The following PRDM10 variants were observed in gnomAD, a reference collection of about 807,000 sequenced individuals.
The protein encoded by PRDM10 is PR/SET domain 10, also known as PR domain zinc finger protein 10.
Under a neutral mutation model 133.1 loss-of-function variants are expected in PRDM10, and 65 were observed. That is an observed-to-expected ratio of 0.49 (90% CI 0.40 to 0.60). The LOEUF is 0.60. Ranked by LOEUF, PRDM10 falls within the 20% of genes least tolerant of loss-of-function variation. The probability of loss-of-function intolerance (pLI) is 0.00; values close to 1 mark genes in which losing one functional copy is unlikely to be tolerated. For synonymous variants in PRDM10, 582 were observed against 580.4 expected, an observed-to-expected ratio of 1.00 and a Z score of -0.04; for missense variants, 1,137 against 1,507.1, an observed-to-expected ratio of 0.75 and a Z score of 4.07.
At position 129,923,098 on chromosome 11, in the gene PRDM10, A is replaced by G. The variant is rs1950563263; in HGVS notation, c.2034+150T>C. The G allele has an allele frequency of 2.1e-6, 2 of 935,732 alleles. No homozygotes were observed. Among genetic ancestry groups the G allele is most frequent in the East Asian group, 3.2e-5 (1 of 31,678 alleles). 58.0% of individuals were successfully genotyped at this position (935,732 alleles called of 1,614,324 possible). Reference sequence around the variant, plus strand: ...GTAAGTTTTCCCCCTTAATTTTATAACTAAGTCAAACACAAGGCCCAAAGA... The same window carrying G: ...GTAAGTTTTCCCCCTTAATTTTATAGCTAAGTCAAACACAAGGCCCAAAGA... On this transcript the variant is annotated intron_variant, in intron 13 of 20. Coordinates refer to ENST00000360871, the MANE Select transcript of PRDM10 (RefSeq NM_199437.2). The surrounding 1 kb of genome is among the most constrained non-coding windows in gnomAD (Gnocchi z 4.4).
chr11:129,930,986 T>A, intron 11 of PRDM10, 30 bp downstream of exon 11: 2 of 1,570,630 alleles, frequency 1.3e-6, no homozygotes, highest in South Asian at 1.2e-5. Flanking sequence ...GAGCGGCTGG[T>A]GCCAGGAGCC....
At chr11:129,999,565 A>T (rs1336654936) in intron 1 of PRDM10, among the ~76,000 whole-genome samples, 1 of 152,212 alleles carries the variant, frequency 6.6e-6, no homozygotes, top group Non-Finnish European at 1.5e-5. Context: ...GTTTAAAACA[A>T]ACTGAACAAC....
At chr11:129,999,891 G>A (rs929449363) in intron 1 of PRDM10, among the ~76,000 whole-genome samples, 2 of 152,000 alleles carry the variant, frequency 1.3e-5, no homozygotes, top group South Asian at 4.1e-4. Context: ...ACCTATTTAC[G>A]TCTTGTTTTA....
chr11:129,913,942 T>G (rs1950270892), intron 17 of PRDM10, among the ~76,000 whole-genome samples: 1 of 152,238 alleles, frequency 6.6e-6, no homozygotes, highest in Non-Finnish European at 1.5e-5. Flanking sequence ...GAGTTATTCA[T>G]TATCTGGTAG....
At chr11:129,968,436 C>T (rs1565501103) in intron 1 of PRDM10, among the ~76,000 whole-genome samples, 2 of 152,024 alleles carry the variant, frequency 1.3e-5, no homozygotes. Context: ...AGGACAAAAA[C>T]GGAGGAGGGT....
chr11:129,965,624 AATG>A (rs1226214661), intron 1 of PRDM10, among the ~76,000 whole-genome samples: 1 of 152,142 alleles, frequency 6.6e-6, no homozygotes, highest in African/African-American at 2.4e-5. Context: ...CCAGGAAGAG[AATG>A]ATATGGTTGC....
Position 129,923,880 on chromosome 11 carries a change from ATCT to A in PRDM10, c.1879-480_1879-478del, listed in dbSNP as rs1228442956. On this transcript the variant is annotated intron_variant, in intron 12 of 20. Coordinates refer to ENST00000360871, the MANE Select transcript of PRDM10 (RefSeq NM_199437.2). The surrounding 1 kb of genome is among the most constrained non-coding windows in gnomAD (Gnocchi z 4.4). ...ATTTAGCCCCTTTTGATCCTTTTAC[ATCT>A]TCTTATAAAATTAAGTTCTGAAGAA... 1.3e-5 allele frequency among the ~76,000 whole-genome samples: 2 copies of A among 152,242 alleles called. No individual in the cohort carries two copies. Among genetic ancestry groups the A allele is most frequent in the Non-Finnish European group, 2.9e-5 (2 of 68,046 alleles).
At chr11:129,983,002 T>C (rs1392874176) in intron 1 of PRDM10, among the ~76,000 whole-genome samples, 1 of 151,950 alleles carries the variant, frequency 6.6e-6, no homozygotes, top group Non-Finnish European at 1.5e-5. Context: ...TTTGAGACAG[T>C]GTCTCATTCT....
chr11:129,983,363 C>T lies in PRDM10; in HGVS notation c.-119+19359G>A, dbSNP rs551490274. ...AGGCTGGAGTGCAGTGGCGCGATCT[C>T]AGCTCACTGCAAGCTCTGCCTCCCA... On this transcript the variant is annotated intron_variant, in intron 1 of 20. Coordinates refer to ENST00000360871, the MANE Select transcript of PRDM10 (RefSeq NM_199437.2). 5.2e-3 allele frequency among the ~76,000 whole-genome samples: 783 copies of T among 151,074 alleles called. 7 individuals are homozygous for T. Among genetic ancestry groups the T allele is most frequent in the African/African-American group, 0.018 (738 of 41,044 alleles).
At chr11:129,946,270 A>G (rs183933412) in intron 5 of PRDM10, among the ~76,000 whole-genome samples, 7 of 152,116 alleles carry the variant, frequency 4.6e-5, no homozygotes, top group Non-Finnish European at 8.8e-5. Flanking sequence ...AAAAAAAAAC[A>G]AAAACAAACA....
In PRDM10 at chr11:129,923,553, C is replaced by CGAGGAATCCAA; in HGVS notation, c.1879-151_1879-150insTTGGATTCCTC. 1.3e-6 allele frequency: 1 copy of CGAGGAATCCAA among 754,528 alleles called. No homozygotes were observed. Among genetic ancestry groups the CGAGGAATCCAA allele is most frequent in the South Asian group, 2.1e-5 (1 of 48,742 alleles). The allele number at this position is 754,528 out of a possible 1,614,324, so 46.7% of individuals were successfully genotyped here. A position where few individuals can be genotyped will look rare whatever the true frequency, so the allele number is the denominator to read the frequency against. ...AATCCAATCAGATGTGATAATTGGC[C>CGAGGAATCCAA]TCAATAACACATACTGTCCCTGTCA... On this transcript the variant is annotated intron_variant, in intron 12 of 20. Transcript: ENST00000360871. The surrounding 1 kb of genome is among the most constrained non-coding windows in gnomAD (Gnocchi z 4.4).
At position 129,917,195 on chromosome 11, in the gene PRDM10, C is replaced by A; in HGVS notation, c.2257G>T (p.Glu753Ter). Residue 753 changes from glutamate (E) to a stop codon, truncating the protein, a stop_gained, in exon 15 of 21, where the codon GAG (glutamate) becomes TAG (stop). Transcript: ENST00000360871. LOFTEE classifies it high-confidence loss of function. ...SKRHPDMKIE[E>*]VPELTLPIIK... Reference sequence around the variant, plus strand: ...ATGGGTAGAGTTAACTCTGGCACCTCTTCTATCTTCATGTCTGGGTGTCTC... The same window carrying A: ...ATGGGTAGAGTTAACTCTGGCACCTATTCTATCTTCATGTCTGGGTGTCTC... 1 of 1,613,834 alleles carries A rather than the reference C, an allele frequency of 6.2e-7. No individual in the cohort carries two copies. The highest frequency in any genetic ancestry group is 8.5e-7 in the Non-Finnish European group (1 of 1,179,760).
At position 129,932,134 on chromosome 11, in the gene PRDM10, C is replaced by T. The variant is rs1186112424; in HGVS notation, c.1255G>A (p.Glu419Lys). The T allele has an allele frequency of 1.2e-6, 2 of 1,614,088 alleles. No individual in the cohort carries two copies. Among genetic ancestry groups the T allele is most frequent in the Non-Finnish European group, 1.7e-6 (2 of 1,180,002 alleles). Reference protein sequence around the residue: ...PKFIRLEITSENGEKSDDGTQ... With the variant: ...PKFIRLEITSKNGEKSDDGTQ... Reference sequence around the variant, plus strand: ...CCATCGTCACTCTTTTCCCCATTTTCGCTGGTGATTTCCAGGCGGATAAAT... The same window carrying T: ...CCATCGTCACTCTTTTCCCCATTTTTGCTGGTGATTTCCAGGCGGATAAAT... Residue 419 changes from glutamate to lysine, a missense_variant, in exon 10 of 21, where the codon GAA becomes AAA. Coordinates refer to ENST00000360871, the MANE Select transcript of PRDM10 (RefSeq NM_199437.2).
chr11:130,001,652 A>C (rs899714932), intron 1 of PRDM10, among the ~76,000 whole-genome samples: 1 of 152,196 alleles, frequency 6.6e-6, no homozygotes, highest in African/African-American at 2.4e-5. Flanking sequence ...ACACAAATTC[A>C]ACAGCGCTGC....
chr11:129,973,431 AGACAACTTAGATAT>A (rs889724436), intron 1 of PRDM10, among the ~76,000 whole-genome samples: 1 of 152,256 alleles, frequency 6.6e-6, no homozygotes, highest in Non-Finnish European at 1.5e-5. Context: ...ACAAGACAAA[AGACAACTTAGATAT>A]GAATTAAATT....
intron 1 of PRDM10, among the ~76,000 whole-genome samples, chr11:129,963,127 T>C (rs1294768404): frequency 6.8e-6 from 1 of 147,908 alleles, no homozygotes; most frequent in Non-Finnish European, 1.5e-5. Context: ...CCTGCATGGG[T>C]CACAGAGTGA....
intron 1 of PRDM10, among the ~76,000 whole-genome samples, chr11:129,995,284 G>A (rs979671287): frequency 6.6e-6 from 1 of 152,150 alleles, no homozygotes; most frequent in Admixed American, 6.5e-5. Context: ...TCCCCTGCCT[G>A]GGGCTGAGGA....
At chr11:130,002,191 CCCGCCGCGCCCGGAGCGCCCGCGCAA>C (rs1425256805) in intron 1 of PRDM10, among the ~76,000 whole-genome samples, 71 of 147,966 alleles carry the variant, frequency 4.8e-4, no homozygotes, top group Non-Finnish European at 8.3e-4. Flanking sequence ...CGGAGACCTG[CCCGCCGCGCCCGGAGCGCCCGCGCAA>C]CCGCCGCCGC....
chr11:129,947,661 G>A lies in PRDM10; in HGVS notation c.295-291C>T, dbSNP rs962436700. ...AGGTGCTCCCTCCTTTGGCAGCAGT[G>A]GGAGAGTCAACACTGGCAAGGCCCT... On this transcript the variant is annotated intron_variant, in intron 4 of 20. Coordinates refer to ENST00000360871, the MANE Select transcript of PRDM10 (RefSeq NM_199437.2). This position sits in a 1 kb window ranked among gnomAD's most constrained non-coding sequence, Gnocchi z 4.6. 1 of 916,810 alleles carries A rather than the reference G, an allele frequency of 1.1e-6. No individual in the cohort carries two copies. Among genetic ancestry groups the A allele is most frequent in the African/African-American group, 1.7e-5 (1 of 59,674 alleles). 56.8% of individuals were successfully genotyped at this position (916,810 alleles called of 1,614,324 possible).
Sources: allele counts gnomAD v4.1 joint callset (sites outside exome capture counted in the v4.1 genomes callset), GRCh38; gene constraint gnomAD v4.1.1; non-coding constraint Gnocchi (gnomAD v3.1); transcripts MANE v1.5; gene names NCBI Gene and HGNC (gene_info 2026-07-23, HGNC 2026-07-21).